Variants in RHEX observed in about 807,000 individuals in gnomAD.
RHEX encodes the protein regulator of hemoglobinization and erythroid cell expansion protein.
Under a neutral mutation model 20.1 loss-of-function variants are expected in RHEX, and 18 were observed. The observed-to-expected ratio is 0.90, with a 90% confidence interval of 0.62 to 1.33. The LOEUF is 1.33. Ranked by LOEUF, RHEX falls within the 40% of genes most tolerant of loss-of-function variation. The probability of loss-of-function intolerance (pLI) is 0.00; values close to 1 mark genes in which losing one functional copy is unlikely to be tolerated. For missense variants in RHEX, 192 were observed against 214.3 expected (o/e 0.90, Z 0.65); for synonymous variants, 87 against 77.1 (o/e 1.13, Z -0.67).
chr1:206,083,671 C>T, intron 1 of RHEX: 2 of 980,696 alleles, frequency 2.0e-6, no homozygotes, highest in Non-Finnish European at 2.4e-6. Context: ...TCTATGGAGA[C>T]AGGATTTTAA....
At chr1:206,079,744 C>A (rs570474789) in intron 1 of RHEX, among the ~76,000 whole-genome samples, 1 of 152,174 alleles carries the variant, frequency 6.6e-6, no homozygotes, top group Non-Finnish European at 1.5e-5. Context: ...TTAGTAGAGA[C>A]GGGGTTTCAC....
At chr1:206,094,400 A>G (rs1553287438) in intron 1 of RHEX, among the ~76,000 whole-genome samples, 1 of 152,150 alleles carries the variant, frequency 6.6e-6, no homozygotes, top group African/African-American at 2.4e-5. Context: ...AAATAGACCA[A>G]TCCAATTTTT....
chr1:206,078,588 A>G (rs1450868487), intron 1 of RHEX, among the ~76,000 whole-genome samples: 1 of 152,096 alleles, frequency 6.6e-6, no homozygotes, highest in Non-Finnish European at 1.5e-5. Context: ...AAATAAAGTT[A>G]TATAACAAAG....
chr1:206,100,382 T>C (rs1236779672), intron 4 of RHEX, among the ~76,000 whole-genome samples: 2 of 152,252 alleles, frequency 1.3e-5, no homozygotes, highest in African/African-American at 2.4e-5. Flanking sequence ...AACTCCCTGA[T>C]AGGGGCTCAC....
intron 1 of RHEX, among the ~76,000 whole-genome samples, chr1:206,065,495 G>T (rs1365384693): frequency 6.6e-6 from 1 of 152,174 alleles, no homozygotes; most frequent in Non-Finnish European, 1.5e-5. Context: ...CCACAGACTG[G>T]ACCAATGGTG....
chr1:206,070,074 G>T (rs1017257793), intron 1 of RHEX, among the ~76,000 whole-genome samples: 1 of 152,034 alleles, frequency 6.6e-6, no homozygotes, highest in African/African-American at 2.4e-5. Flanking sequence ...AGTCTTTGTG[G>T]GTTTGGGGCA....
chr1:206,081,428 C>A (rs749027634), intron 1 of RHEX, among the ~76,000 whole-genome samples: 2 of 152,056 alleles, frequency 1.3e-5, no homozygotes, highest in Non-Finnish European at 2.9e-5. Context: ...ATGATCTAAT[C>A]AAAAATTCTT....
intron 1 of RHEX, among the ~76,000 whole-genome samples, chr1:206,077,741 T>C (rs1662662563): frequency 1.3e-5 from 2 of 152,172 alleles, no homozygotes; most frequent in African/African-American, 4.8e-5. Context: ...TGGGGATGCT[T>C]GTTGCTGCTG....
intron 3 of RHEX, among the ~76,000 whole-genome samples, chr1:206,099,322 C>CT (rs368943257): frequency 3.2e-3 from 457 of 144,124 alleles, no homozygotes; most frequent in Middle Eastern, 0.011. Context: ...GCAGCTTCCA[C>CT]TTTTTTTTTT....
In RHEX at chr1:206,101,152, C is replaced by G; in HGVS notation, c.273C>G (p.Pro91=). ...DSLYRHDSDT[P]SDSLDSSCSS... is the part of the protein sequence containing the mutation. ...TCTCCCCAGATGACAGCGACACACC[C>G]TCAGATAGCTTGGATAGCTCCTGCA... The change falls in exon 5 of 6, where the codon CCC becomes CCG. Residue 91 remains proline (P), a synonymous_variant. Coordinates refer to ENST00000331555, the MANE Select transcript of RHEX (RefSeq NM_001007544.4). The G allele has an allele frequency of 2.5e-6, 4 of 1,613,124 alleles. No individual in the cohort carries two copies. The highest frequency in any genetic ancestry group is 2.2e-5 in the South Asian group (2 of 90,888).
At chr1:206,073,472 GTATTAT>G (rs1167884200) in intron 1 of RHEX, among the ~76,000 whole-genome samples, 1 of 152,042 alleles carries the variant, frequency 6.6e-6, no homozygotes, top group Non-Finnish European at 1.5e-5. Context: ...GAGAAAGCTA[GTATTAT>G]TATTATTATC....
At chr1:206,064,481 GT>G (rs2102308758) in intron 1 of RHEX, among the ~76,000 whole-genome samples, 2 of 13,070 alleles carry the variant, frequency 1.5e-4, no homozygotes, top group Admixed American at 1.2e-3. Context: ...CGTCCGGGAG[GT>G]GAGGGGCGCC....
intron 4 of RHEX, among the ~76,000 whole-genome samples, chr1:206,100,717 A>C (rs1663169364): frequency 6.6e-6 from 1 of 152,224 alleles, no homozygotes; most frequent in East Asian, 1.9e-4. Context: ...ATTTAGTGAC[A>C]GCTTTGGACT....
intron 3 of RHEX, among the ~76,000 whole-genome samples, chr1:206,099,160 T>C (rs1663135733): frequency 6.6e-6 from 1 of 152,122 alleles, no homozygotes; most frequent in African/African-American, 2.4e-5. Flanking sequence ...CCTCGGAGGC[T>C]GGGACTTGGC....
chr1:206,096,786 T>TTTTTTTTTTG (rs1663080883), intron 1 of RHEX, among the ~76,000 whole-genome samples: 1 of 149,022 alleles, frequency 6.7e-6, no homozygotes, highest in East Asian at 2.0e-4. Context: ...TTTTGGTTTT[T>TTTTTTTTTTG]TTTTTTGAGA....
chr1:206,078,389 A>T (rs559797251), intron 1 of RHEX, among the ~76,000 whole-genome samples: 4 of 152,204 alleles, frequency 2.6e-5, no homozygotes, highest in East Asian at 1.9e-4. Context: ...AACATTTTTT[A>T]AAATGTTTTT....
intron 1 of RHEX, among the ~76,000 whole-genome samples, chr1:206,059,862 G>C (rs557179401): frequency 6.6e-6 from 1 of 152,190 alleles, no homozygotes; most frequent in South Asian, 2.1e-4. Context: ...CCAGAGCATG[G>C]GCAGGCTCCC....
rs572840725 is a variant in RHEX, at chr1:206,053,216, C to G, written c.-146C>G. ...TCCCTGTGGAGGATTAACACAGTGG[C>G]TGAACACCGGGAAGGAACTGGCACT... On this transcript the variant is annotated 5_prime_UTR_variant, in exon 1 of 6. Transcript: ENST00000331555. The G allele has an allele frequency of 5.9e-5, 9 of 152,800 alleles. No individual in the cohort carries two copies. Among genetic ancestry groups the G allele is most frequent in the Admixed American group, 2.6e-4 (4 of 15,306 alleles). 9.5% of individuals were successfully genotyped at this position (152,800 alleles called of 1,614,324 possible).
At chr1:206,072,508 G>A (rs1217865617) in intron 1 of RHEX, among the ~76,000 whole-genome samples, 16 of 152,060 alleles carry the variant, frequency 1.1e-4, no homozygotes, top group Admixed American at 4.6e-4. Context: ...CCTGGGAGGC[G>A]GAGGTTGCAG....
Sources: gnomAD v4.1 joint callset for allele counts (sites outside exome capture counted in the v4.1 genomes callset) on GRCh38, gnomAD v4.1.1 for gene constraint, MANE v1.5 for transcripts, NCBI Gene and HGNC (gene_info 2026-07-23, HGNC 2026-07-21) for gene names.